Variants in XXYLT1 observed in about 807,000 individuals in gnomAD.
XXYLT1 encodes the protein UDP-xylose:alpha-xyloside alpha-1,3-xylosyltransferase.
A neutral mutation model predicts 28.9 loss-of-function variants in XXYLT1; 20 were observed. That is an observed-to-expected ratio of 0.69 (90% CI 0.49 to 1.00). The LOEUF is 1.00. Ranked by LOEUF, XXYLT1 falls within the 50% of genes least tolerant of loss-of-function variation. XXYLT1 has a pLI of 0.00. For synonymous variants in XXYLT1, 257 were observed against 253.8 expected (o/e 1.01, Z -0.12); for missense variants, 542 against 560.1 (o/e 0.97, Z 0.33).
chr3:195,144,651 C>T (rs762258836), intron 3 of XXYLT1, among the ~76,000 whole-genome samples: 1 of 152,200 alleles, frequency 6.6e-6, no homozygotes, highest in Non-Finnish European at 1.5e-5. Context: ...GCTGGGATTA[C>T]AGGTGTGAGC....
chr3:195,225,328 G>C (rs909082007), intron 2 of XXYLT1, among the ~76,000 whole-genome samples: 1 of 152,180 alleles, frequency 6.6e-6, no homozygotes, highest in Non-Finnish European at 1.5e-5. Context: ...CAGAGTGCTG[G>C]AACTTGCCTG....
rs1467093572 is a variant in XXYLT1, at chr3:195,259,583, C to T, written c.504+10972G>A. On this transcript the variant is annotated intron_variant, in intron 1 of 3. Transcript: ENST00000310380. ...AGAGGCCTCCCGCCCCAGGTACAGG[C>T]CTGGGAAGCCCTCATCTCACCGCGA... The T allele has an allele frequency of 7.1e-6, 7 of 985,466 alleles. No homozygotes were observed. The East Asian group carries it at 5.7e-4, about 80-fold the overall frequency. 61.0% of individuals were successfully genotyped at this position (985,466 alleles called of 1,614,324 possible).
chr3:195,199,673 G>A (rs1722771411), intron 2 of XXYLT1, among the ~76,000 whole-genome samples: 1 of 152,120 alleles, frequency 6.6e-6, no homozygotes, highest in Admixed American at 6.5e-5. Context: ...GAGTCTCATA[G>A]GGGTTATCAT....
intron 1 of XXYLT1, among the ~76,000 whole-genome samples, chr3:195,243,918 G>A (rs921750542): frequency 1.3e-5 from 2 of 152,172 alleles, no homozygotes; most frequent in Admixed American, 6.5e-5. Flanking sequence ...GAGGGGAAAA[G>A]CAGCCTGCCC....
chr3:195,085,699 C>CA (rs1159795854), intron 3 of XXYLT1, among the ~76,000 whole-genome samples: 5 of 152,252 alleles, frequency 3.3e-5, no homozygotes, highest in Non-Finnish European at 7.3e-5. Context: ...GAGACCACTC[C>CA]ATTCCACCAG....
At chr3:195,208,578 G>A (rs1723173745) in intron 2 of XXYLT1, among the ~76,000 whole-genome samples, 1 of 152,208 alleles carries the variant, frequency 6.6e-6, no homozygotes, top group Non-Finnish European at 1.5e-5. Flanking sequence ...CAAAGGCCAT[G>A]CAAGCTTCAG....
intron 3 of XXYLT1, among the ~76,000 whole-genome samples, chr3:195,142,943 G>A (rs1577072170): frequency 6.6e-6 from 1 of 152,156 alleles, no homozygotes; most frequent in Non-Finnish European, 1.5e-5. Context: ...TTCGGGCACC[G>A]AGAGGAGTTT....
chr3:195,123,198 A>C (rs1011607374), intron 3 of XXYLT1, among the ~76,000 whole-genome samples: 2 of 151,474 alleles, frequency 1.3e-5, no homozygotes, highest in African/African-American at 4.9e-5. Context: ...AAAACCCTAC[A>C]TTTTTTTCCT....
chr3:195,112,702 C>T (rs1220455604), intron 3 of XXYLT1, among the ~76,000 whole-genome samples: 1 of 150,384 alleles, frequency 6.6e-6, no homozygotes, highest in Admixed American at 6.6e-5. Context: ...CACACACACA[C>T]GTATGCACAC....
At chr3:195,143,881 TA>T (rs1560117354) in intron 3 of XXYLT1, among the ~76,000 whole-genome samples, 7 of 128,864 alleles carry the variant, frequency 5.4e-5, no homozygotes, top group East Asian at 6.9e-4. Context: ...GATATATATA[TA>T]TATATATTTA....
chr3:195,075,450 T>C (rs551415396), intron 3 of XXYLT1, among the ~76,000 whole-genome samples: 64 of 152,330 alleles, frequency 4.2e-4, no homozygotes, highest in African/African-American at 1.4e-3. Context: ...CAACTCCACA[T>C]TTCCAGGCAA....
chr3:195,204,462 ACACT>A lies in XXYLT1; in HGVS notation c.652+22243_652+22246del, dbSNP rs1459549850. ...CCCTGACACACACACGCACACACAC[ACACT>A]CACTCTCTCACTCTCTCTCTCTCTC... On this transcript the variant is annotated intron_variant, in intron 2 of 3. Coordinates refer to ENST00000310380, the MANE Select transcript of XXYLT1 (RefSeq NM_152531.5). 2.1e-5 allele frequency among the ~76,000 whole-genome samples: 3 copies of A among 145,514 alleles called. No homozygotes were observed. In the South Asian group the frequency reaches 6.3e-4, roughly 31 times the overall value.
At chr3:195,107,471 T>C (rs1405407089) in intron 3 of XXYLT1, among the ~76,000 whole-genome samples, 3 of 23,404 alleles carry the variant, frequency 1.3e-4, no homozygotes. Context: ...CAAAACTCCG[T>C]CTCAAAAAAA....
At chr3:195,134,041 T>C (rs748073557) in intron 3 of XXYLT1, among the ~76,000 whole-genome samples, 3 of 152,020 alleles carry the variant, frequency 2.0e-5, no homozygotes, top group Non-Finnish European at 4.4e-5. Flanking sequence ...GTGAGACCCC[T>C]GCCAAGTAAA....
At chr3:195,177,132 G>A (rs866150770) in intron 2 of XXYLT1, among the ~76,000 whole-genome samples, 29 of 152,354 alleles carry the variant, frequency 1.9e-4, no homozygotes, top group African/African-American at 5.1e-4. Context: ...TGAACCTCCT[G>A]TGGGCTTCCC....
intron 3 of XXYLT1, among the ~76,000 whole-genome samples, chr3:195,105,154 G>T (rs1717016156): frequency 6.6e-6 from 1 of 152,206 alleles, no homozygotes; most frequent in South Asian, 2.1e-4. Flanking sequence ...TCACAAGAAT[G>T]ATAAAACCAC....
chr3:195,160,076 C>T (rs971479419), intron 2 of XXYLT1, among the ~76,000 whole-genome samples: 1 of 142,598 alleles, frequency 7.0e-6, no homozygotes, highest in African/African-American at 2.6e-5. Context: ...CAAAAATAAA[C>T]AAGAAAAGGA....
intron 2 of XXYLT1, chr3:195,175,504 T>A: frequency 1.4e-6 from 2 of 1,445,128 alleles, no homozygotes; most frequent in Non-Finnish European, 1.8e-6. Context: ...CTGTGTTGCA[T>A]GTTGACTTTG....
intron 3 of XXYLT1, among the ~76,000 whole-genome samples, chr3:195,073,486 C>G (rs376606732): frequency 1.9e-4 from 29 of 152,192 alleles, no homozygotes; most frequent in African/African-American, 4.3e-4. Flanking sequence ...ACCCCTCCCC[C>G]CCTCATGCCC....
Sources: gnomAD v4.1 joint callset for allele counts (sites outside exome capture counted in the v4.1 genomes callset) on GRCh38, gnomAD v4.1.1 for gene constraint, MANE v1.5 for transcripts, NCBI Gene and HGNC (gene_info 2026-07-23, HGNC 2026-07-21) for gene names.